Variants in PRKCA observed in about 807,000 individuals in gnomAD.
PRKCA encodes the protein protein kinase C alpha.
A neutral mutation model predicts 87.0 loss-of-function variants in PRKCA; 27 were observed. The observed-to-expected ratio is 0.31, with a 90% CI of 0.23 to 0.43. The LOEUF (loss-of-function observed/expected upper bound fraction) is 0.43. Ranked by LOEUF, PRKCA falls within the 20% of genes least tolerant of loss-of-function variation. The pLI, the probability that PRKCA is intolerant of heterozygous loss-of-function variation, is 1.00. For missense variants in PRKCA, 518 were observed against 852.3 expected (o/e 0.61, Z 4.88); for synonymous variants, 329 against 311.1 (o/e 1.06, Z -0.61).
intron 3 of PRKCA, among the ~76,000 whole-genome samples, chr17:66,575,022 A>G (rs1299854405): frequency 6.6e-6 from 1 of 152,226 alleles, no homozygotes; most frequent in African/African-American, 2.4e-5. Flanking sequence ...AGTAATTTCC[A>G]GCTTCTCTTT....
intron 3 of PRKCA, among the ~76,000 whole-genome samples, chr17:66,589,279 A>G (rs1214942093): frequency 6.6e-6 from 1 of 152,096 alleles, no homozygotes; most frequent in Non-Finnish European, 1.5e-5. Flanking sequence ...TAGTACCCTG[A>G]AATATATCCT....
chr17:66,610,475 C>G (rs1390756797), intron 3 of PRKCA, among the ~76,000 whole-genome samples: 3 of 152,138 alleles, frequency 2.0e-5, no homozygotes, highest in African/African-American at 7.2e-5. Flanking sequence ...ATGGCTTGGT[C>G]TTTCCAGTGA....
chr17:66,775,999 T>C (rs539283628), intron 14 of PRKCA, among the ~76,000 whole-genome samples: 2 of 152,226 alleles, frequency 1.3e-5, no homozygotes, highest in East Asian at 1.9e-4. Flanking sequence ...AAAGGAAGTA[T>C]GGGGTTGTCT....
At chr17:66,578,294 C>T (rs973252186) in intron 3 of PRKCA, among the ~76,000 whole-genome samples, 5 of 152,156 alleles carry the variant, frequency 3.3e-5, no homozygotes, top group South Asian at 2.1e-4. Context: ...TCCAGGCTTC[C>T]GCACATGGTC....
intron 3 of PRKCA, among the ~76,000 whole-genome samples, chr17:66,634,020 T>C (rs917915093): frequency 6.6e-6 from 1 of 151,192 alleles, no homozygotes. Flanking sequence ...ATCCATGTGT[T>C]TATTTTAACA....
intron 2 of PRKCA, among the ~76,000 whole-genome samples, chr17:66,343,258 G>A (rs1190327248): frequency 1.3e-5 from 2 of 152,062 alleles, no homozygotes; most frequent in Non-Finnish European, 2.9e-5. Context: ...TAAGTTGCTG[G>A]GAATATACAC....
intron 3 of PRKCA, among the ~76,000 whole-genome samples, chr17:66,564,430 T>C (rs1347349838): frequency 6.6e-6 from 1 of 152,108 alleles, no homozygotes; most frequent in African/African-American, 2.4e-5. Context: ...TACCTACAGC[T>C]CACATAATGT....
At chr17:66,673,312 G>A (rs906366743) in intron 5 of PRKCA, among the ~76,000 whole-genome samples, 15 of 152,186 alleles carry the variant, frequency 9.9e-5, no homozygotes, top group African/African-American at 3.6e-4. Flanking sequence ...TTGCCAACCT[G>A]TGTTTTCTGG....
chr17:66,430,631 C>G (rs1406801243), intron 2 of PRKCA, among the ~76,000 whole-genome samples: 1 of 151,996 alleles, frequency 6.6e-6, no homozygotes, highest in Non-Finnish European at 1.5e-5. Flanking sequence ...GATTGAAACC[C>G]TTACAGATCT....
intron 5 of PRKCA, among the ~76,000 whole-genome samples, chr17:66,659,519 A>G (rs948095370): frequency 1.3e-5 from 2 of 152,160 alleles, no homozygotes; most frequent in Non-Finnish European, 2.9e-5. Context: ...GTTCAAGACC[A>G]TCCTGGGCAA....
In PRKCA at chr17:66,369,684, T is replaced by C. The variant is rs1338324372; in HGVS notation, c.205+63557T>C. Reference sequence around the variant, plus strand: ...GCCCGTTTTCACTATTGGATCTGGCTCTGTCCACTCTTTTCTGGGAGAACA... The same window carrying C: ...GCCCGTTTTCACTATTGGATCTGGCCCTGTCCACTCTTTTCTGGGAGAACA... On this transcript the variant is annotated intron_variant, in intron 2 of 16. Transcript: ENST00000413366. 2.6e-5 allele frequency among the ~76,000 whole-genome samples: 4 copies of C among 152,206 alleles called. No individual in the cohort carries two copies. In the East Asian group the frequency reaches 7.7e-4, roughly 29 times the overall value.
intron 13 of PRKCA, among the ~76,000 whole-genome samples, chr17:66,751,204 T>C (rs907189997): frequency 2.6e-5 from 4 of 152,270 alleles, no homozygotes; most frequent in African/African-American, 9.6e-5. Flanking sequence ...GTTCATTTCT[T>C]GCTATGCGCC....
intron 2 of PRKCA, among the ~76,000 whole-genome samples, chr17:66,399,105 T>TTTTC (rs35499808): frequency 2.0e-3 from 37 of 18,390 alleles, no homozygotes; most frequent in Non-Finnish European, 4.3e-3. Flanking sequence ...CTTTTCTTTT[T>TTTTC]TTTTTTTTTT....
intron 2 of PRKCA, among the ~76,000 whole-genome samples, chr17:66,463,263 T>G (rs994736828): frequency 6.6e-6 from 1 of 152,194 alleles, no homozygotes; most frequent in Non-Finnish European, 1.5e-5. Context: ...ATCTAGTGAC[T>G]AGCTGAGTCA....
intron 3 of PRKCA, among the ~76,000 whole-genome samples, chr17:66,527,664 G>T (rs1377451718): frequency 6.6e-6 from 1 of 152,180 alleles, no homozygotes; most frequent in Non-Finnish European, 1.5e-5. Flanking sequence ...GGCCTCATGG[G>T]TCAGCATATA....
At chr17:66,649,704 C>T (rs1336205678) in intron 5 of PRKCA, among the ~76,000 whole-genome samples, 2 of 152,162 alleles carry the variant, frequency 1.3e-5, no homozygotes, top group African/African-American at 4.8e-5. Context: ...ATCAGCACCC[C>T]ACAAAGTTTT....
At chr17:66,652,126 T>C (rs1971605711) in intron 5 of PRKCA, among the ~76,000 whole-genome samples, 1 of 152,088 alleles carries the variant, frequency 6.6e-6, no homozygotes, top group South Asian at 2.1e-4. Context: ...GCCCGGCTAA[T>C]TTTTGTTTTT....
chr17:66,393,744 A>G (rs1158326088), intron 2 of PRKCA, among the ~76,000 whole-genome samples: 1 of 151,996 alleles, frequency 6.6e-6, no homozygotes, highest in African/African-American at 2.4e-5. Context: ...GCCTGAGTGC[A>G]GCGCCCTCCC....
At chr17:66,545,306 G>A (rs1220009487) in intron 3 of PRKCA, among the ~76,000 whole-genome samples, 1 of 152,160 alleles carries the variant, frequency 6.6e-6, no homozygotes, top group African/African-American at 2.4e-5. Context: ...GCGGGTGCCT[G>A]TAGTCCCAGC....
Sources: gnomAD v4.1 joint callset for allele counts (sites outside exome capture counted in the v4.1 genomes callset) on GRCh38, gnomAD v4.1.1 for gene constraint, MANE v1.5 for transcripts, NCBI Gene and HGNC (gene_info 2026-07-23, HGNC 2026-07-21) for gene names.